The following ZFHX3 variants were observed in gnomAD, a reference collection of about 807,000 sequenced individuals.
ZFHX3 encodes zinc finger homeobox protein 3.
ZFHX3 carries 42 observed loss-of-function variants against 279.1 expected under a neutral mutation model. The ratio of observed to expected loss-of-function variants is 0.15; its 90% CI spans 0.12 to 0.19. ZFHX3 has a LOEUF of 0.19. Ranked by LOEUF, ZFHX3 falls within the 10% of genes least tolerant of loss-of-function variation. ZFHX3 has a pLI of 1.00. For missense variants in ZFHX3, 4,981 were observed against 4,754.0 expected (o/e 1.05, Z -1.40); for synonymous variants, 2,293 against 1,957.8 (o/e 1.17, Z -4.52).
intron 2 of ZFHX3, among the ~76,000 whole-genome samples, chr16:73,618,588 T>G (rs1436373940): frequency 6.6e-6 from 1 of 152,172 alleles, no homozygotes; most frequent in Non-Finnish European, 1.5e-5. Flanking sequence ...GAGAAGCGCT[T>G]TGTCAAGACT....
chr16:73,052,616 T>A (rs184897273), upstream of ZFHX3, among the ~76,000 whole-genome samples: 1 of 152,294 alleles, frequency 6.6e-6, no homozygotes, highest in African/African-American at 2.4e-5. Context: ...GCTGTTCCAA[T>A]CGCCAGTGAG....
rs151112384 is a variant in ZFHX3, at chr16:73,567,935, C to T, written c.-1546-111677G>A. Among the ~76,000 whole-genome samples the T allele has an allele frequency of 9.6e-3, 1,465 of 152,284 alleles. 29 individuals are homozygous for T. Among genetic ancestry groups the T allele is most frequent in the African/African-American group, 0.033 (1,390 of 41,546 alleles). On this transcript the variant is annotated intron_variant, in intron 2 of 17. Coordinates refer to the ZFHX3 transcript ENST00000641206. ...TAAGCAAAATGTAGATGATGCCTCTCCTTTTATCTGCTGTTCCTTCAAACA... is the reference window on the plus strand; with the variant it reads ...TAAGCAAAATGTAGATGATGCCTCTTCTTTTATCTGCTGTTCCTTCAAACA...
intron 1 of ZFHX3, among the ~76,000 whole-genome samples, chr16:73,875,542 A>G (rs2029920081): frequency 6.6e-6 from 1 of 152,172 alleles, no homozygotes; most frequent in Admixed American, 6.5e-5. Flanking sequence ...TTTATTTACC[A>G]GTATTCAAAA....
At chr16:73,736,013 A>G (rs1463793209) in intron 1 of ZFHX3, among the ~76,000 whole-genome samples, 1 of 151,766 alleles carries the variant, frequency 6.6e-6, no homozygotes, top group Non-Finnish European at 1.5e-5. Context: ...GGTACTAAGC[A>G]CTGGACTCAC....
chr16:73,823,527 C>G (rs1960811680), intron 1 of ZFHX3, among the ~76,000 whole-genome samples: 1 of 152,196 alleles, frequency 6.6e-6, no homozygotes, highest in Non-Finnish European at 1.5e-5. Context: ...TGAACAGAAT[C>G]TAGAATAGGG....
chr16:72,875,865 C>A (rs890322432), intron 4 of ZFHX3, among the ~76,000 whole-genome samples: 2 of 152,184 alleles, frequency 1.3e-5, no homozygotes, highest in South Asian at 2.1e-4. Context: ...CAAACAGTCA[C>A]GCCTTTGCAG....
chr16:73,356,177 C>T (rs561130505), intron 3 of ZFHX3, among the ~76,000 whole-genome samples: 2 of 152,304 alleles, frequency 1.3e-5, no homozygotes, highest in African/African-American at 2.4e-5. Flanking sequence ...CACCCCCCGC[C>T]GACCATTGCC....
rs1426373211 is a variant in ZFHX3, at chr16:73,645,336, A to G, written c.-1547+34844T>C. On this transcript the variant is annotated intron_variant, in intron 2 of 17. Coordinates refer to the ZFHX3 transcript ENST00000641206. Reference sequence around the variant, plus strand: ...AAGTGGCATGATCTCGGCTCACTGCAAGCTCCACCACCCGGGTTCATGCCA... The same window carrying G: ...AAGTGGCATGATCTCGGCTCACTGCGAGCTCCACCACCCGGGTTCATGCCA... Among the ~76,000 whole-genome samples the G allele has an allele frequency of 3.3e-5, 5 of 152,206 alleles. No homozygotes were observed. The East Asian group carries it at 7.7e-4, about 24-fold the overall frequency.
At chr16:73,385,068 G>A (rs937202276) in intron 3 of ZFHX3, among the ~76,000 whole-genome samples, 3 of 152,078 alleles carry the variant, frequency 2.0e-5, no homozygotes, top group African/African-American at 7.2e-5. Context: ...ACGCTAAGAA[G>A]GCACACTAAG....
At chr16:73,736,638 G>A (rs571776765) in intron 1 of ZFHX3, among the ~76,000 whole-genome samples, 1 of 152,354 alleles carries the variant, frequency 6.6e-6, no homozygotes, top group African/African-American at 2.4e-5. Flanking sequence ...ATTCCTCAGT[G>A]GAGAGTACAG....
chr16:73,554,846 T>G (rs1241428100), intron 2 of ZFHX3: 1 of 152,142 alleles, frequency 6.6e-6, no homozygotes, highest in Admixed American at 6.5e-5. Flanking sequence ...CCTGATTCCA[T>G]TAGGCCCAAT....
intron 5 of ZFHX3, among the ~76,000 whole-genome samples, chr16:73,163,050 C>T (rs1200612437): frequency 6.6e-6 from 1 of 152,190 alleles, no homozygotes; most frequent in East Asian, 1.9e-4. Flanking sequence ...GATTGGTAGG[C>T]AGCATTTTTC....
intron 3 of ZFHX3, among the ~76,000 whole-genome samples, chr16:72,945,383 C>T (rs932235219): frequency 6.6e-6 from 1 of 152,104 alleles, no homozygotes; most frequent in African/African-American, 2.4e-5. Flanking sequence ...CAGAGTCAGC[C>T]CAGGCTCTCA....
At chr16:73,302,327 T>C (rs1199333706) in intron 4 of ZFHX3, among the ~76,000 whole-genome samples, 1 of 152,040 alleles carries the variant, frequency 6.6e-6, no homozygotes, top group Non-Finnish European at 1.5e-5. Context: ...TCCATTCAAT[T>C]GGCTTGCCCA....
At chr16:73,671,168 G>T (rs1351763049) in intron 2 of ZFHX3, among the ~76,000 whole-genome samples, 3 of 152,232 alleles carry the variant, frequency 2.0e-5, no homozygotes, top group African/African-American at 7.2e-5. Context: ...GCAGTTCGCA[G>T]ATTTCCAAGA....
Position 73,442,421 on chromosome 16 carries a change from C to T in ZFHX3, c.-1291+13582G>A, listed in dbSNP as rs550460202. 9.1e-4 allele frequency among the ~76,000 whole-genome samples: 138 copies of T among 150,940 alleles called. 3 individuals are homozygous for T. The highest frequency in any genetic ancestry group is 5.2e-3 in the Admixed American group (79 of 15,152). ...CTGCCCAGGCTGGAGTGCTGTAGCA[C>T]GATCATAGCTCACTGCAGCCTTAAA... On this transcript the variant is annotated intron_variant, in intron 3 of 17. Coordinates refer to the ZFHX3 transcript ENST00000641206.
At chr16:72,900,740 G>A (rs2039014475) in intron 3 of ZFHX3, among the ~76,000 whole-genome samples, 1 of 152,178 alleles carries the variant, frequency 6.6e-6, no homozygotes, top group Admixed American at 6.5e-5. Context: ...CTGATTCAGA[G>A]GGTCTGGAGT....
chr16:73,149,611 C>A (rs145378598), intron 5 of ZFHX3, among the ~76,000 whole-genome samples: 1 of 152,126 alleles, frequency 6.6e-6, no homozygotes, highest in Non-Finnish European at 1.5e-5. Context: ...TCTTCTGCGG[C>A]GTTTCAGAGT....
intron 5 of ZFHX3, among the ~76,000 whole-genome samples, chr16:73,220,409 A>G (rs1301226039): frequency 6.6e-6 from 1 of 152,186 alleles, no homozygotes; most frequent in Non-Finnish European, 1.5e-5. Flanking sequence ...ATATGGGGAA[A>G]GCTAGGTGAA....
Sources: gnomAD v4.1 joint callset for allele counts (sites outside exome capture counted in the v4.1 genomes callset) on GRCh38, gnomAD v4.1.1 for gene constraint, MANE v1.5 for transcripts, NCBI Gene and HGNC (gene_info 2026-07-23, HGNC 2026-07-21) for gene names.